The following CLASP1 variants were observed in gnomAD, a reference collection of about 807,000 sequenced individuals.
CLASP1 encodes the protein cytoplasmic linker associated protein 1.
CLASP1 carries 38 observed loss-of-function variants against 192.3 expected under a neutral mutation model. The observed-to-expected ratio is 0.20, with a 90% CI of 0.15 to 0.26. The LOEUF (loss-of-function observed/expected upper bound fraction) is 0.26. CLASP1 is among the 10% of genes least tolerant of loss of function. The pLI is 1.00. For synonymous variants in CLASP1, 691 were observed against 712.8 expected (o/e 0.97, Z 0.49); for missense variants, 1,433 against 1,932.5 (o/e 0.74, Z 4.85).
At chr2:121,470,414 A>T in intron 8 of CLASP1, 1 of 428,684 alleles carries the variant, frequency 2.3e-6, no homozygotes, top group Non-Finnish European at 4.5e-6. Context: ...GTCACCTGGT[A>T]CACACTTTAA....
intron 2 of CLASP1, among the ~76,000 whole-genome samples, chr2:121,562,691 C>A (rs2059192441): frequency 6.6e-6 from 1 of 152,200 alleles, no homozygotes; most frequent in Non-Finnish European, 1.5e-5. Context: ...AGAAGCACAA[C>A]AGGCAAATTT....
At chr2:121,626,044 G>A (rs1311964223) in intron 1 of CLASP1, among the ~76,000 whole-genome samples, 1 of 151,246 alleles carries the variant, frequency 6.6e-6, no homozygotes, top group Non-Finnish European at 1.5e-5. Flanking sequence ...AGGCTGCAGT[G>A]AGCTGAGATG....
At chr2:121,574,637 A>C (rs1479309535) in intron 2 of CLASP1, among the ~76,000 whole-genome samples, 1 of 148,550 alleles carries the variant, frequency 6.7e-6, no homozygotes, top group East Asian at 2.0e-4. Flanking sequence ...TCCATATCAA[A>C]AAAAAAAAAA....
intron 8 of CLASP1, among the ~76,000 whole-genome samples, chr2:121,483,513 T>C (rs2092759454): frequency 6.6e-6 from 1 of 151,680 alleles, no homozygotes; most frequent in African/African-American, 2.4e-5. Context: ...TATATGTATG[T>C]ATATATGTGT....
intron 4 of CLASP1, among the ~76,000 whole-genome samples, chr2:121,528,176 C>G (rs1299041083): frequency 6.6e-6 from 1 of 152,192 alleles, no homozygotes; most frequent in East Asian, 1.9e-4. Flanking sequence ...GTGAGGAAAG[C>G]AAGGCCAAAG....
chr2:121,377,191 A>G (rs1290573921), intron 34 of CLASP1, among the ~76,000 whole-genome samples: 4 of 152,214 alleles, frequency 2.6e-5, no homozygotes, highest in African/African-American at 9.7e-5. Flanking sequence ...TTTATTGTGT[A>G]TTTCCAAAAC....
chr2:121,594,224 C>T (rs2062822035), intron 2 of CLASP1, among the ~76,000 whole-genome samples: 1 of 149,440 alleles, frequency 6.7e-6, no homozygotes, highest in Non-Finnish European at 1.5e-5. Flanking sequence ...GGCGTGAACC[C>T]GGGAGGCGGA....
chr2:121,431,617 A>G (rs539090869), intron 19 of CLASP1, among the ~76,000 whole-genome samples: 1 of 152,292 alleles, frequency 6.6e-6, no homozygotes, highest in South Asian at 2.1e-4. Context: ...TCACAAAAAG[A>G]TTTTTTAAAT....
At chr2:121,516,181 T>C (rs2094287186) in intron 6 of CLASP1, among the ~76,000 whole-genome samples, 2 of 152,212 alleles carry the variant, frequency 1.3e-5, no homozygotes, top group Admixed American at 6.5e-5. Flanking sequence ...CAAAAATGGG[T>C]AGTACAGGCC....
At chr2:121,406,168 C>T (rs544149640) in intron 25 of CLASP1, among the ~76,000 whole-genome samples, 1 of 151,984 alleles carries the variant, frequency 6.6e-6, no homozygotes, top group Non-Finnish European at 1.5e-5. Context: ...AATTAAAGGG[C>T]TAAAAATAAG....
chr2:121,402,710 A>G (rs1040472188), intron 26 of CLASP1: 20 of 514,170 alleles, frequency 3.9e-5, no homozygotes, highest in African/African-American at 1.4e-4. Flanking sequence ...TAAACCATCT[A>G]ATAGTGTTCA....
intron 20 of CLASP1, among the ~76,000 whole-genome samples, chr2:121,428,089 C>T (rs1214230889): frequency 6.6e-6 from 1 of 152,116 alleles, no homozygotes; most frequent in Non-Finnish European, 1.5e-5. Flanking sequence ...TGAAGTAAAA[C>T]TAAGGAATTT....
rs1416651206 is a variant in CLASP1, at chr2:121,427,278, A to G, written c.2044+126T>C. On this transcript the variant is annotated intron_variant, in intron 21 of 39. Transcript: ENST00000263710. Reference sequence around the variant, plus strand: ...CAAACTCTAGAATTTGAACACAAAGAAAAACGCAGAAAGATTAACTAAGCT... The same window carrying G: ...CAAACTCTAGAATTTGAACACAAAGGAAAACGCAGAAAGATTAACTAAGCT... 3.3e-6 allele frequency: 4 copies of G among 1,214,388 alleles called. No individual in the cohort carries two copies. In the East Asian group the frequency reaches 1.0e-4, roughly 31 times the overall value. 75.2% of individuals were successfully genotyped at this position (1,214,388 alleles called of 1,614,324 possible). A position where few individuals can be genotyped will look rare whatever the true frequency, so the allele number is the denominator to read the frequency against.
chr2:121,648,220 C>A (rs2073536772), intron 1 of CLASP1, among the ~76,000 whole-genome samples: 1 of 152,168 alleles, frequency 6.6e-6, no homozygotes. Flanking sequence ...AAAACAATTT[C>A]TAATGCCAGA....
At chr2:121,360,296 G>C (rs756833334) in intron 37 of CLASP1, among the ~76,000 whole-genome samples, 1 of 152,062 alleles carries the variant, frequency 6.6e-6, no homozygotes, top group Non-Finnish European at 1.5e-5. Flanking sequence ...GCTAACTTTG[G>C]GATAAACAAA....
Position 121,514,457 on chromosome 2 carries a change from C to T in CLASP1, c.644+1208G>A. Among the ~76,000 whole-genome samples the T allele has an allele frequency of 1.3e-5, 2 of 151,674 alleles. 1 individual carries two copies. Among genetic ancestry groups the T allele is most frequent in the South Asian group, 4.1e-4 (2 of 4,824 alleles). On this transcript the variant is annotated intron_variant, in intron 7 of 39. Coordinates refer to ENST00000263710, the Ensembl canonical transcript of CLASP1. ...AGTTCTTTTTCCTCCTGTGTTCTCA[C>T]CATATATTCAAAGACCAGAAGGCTG... is the stretch of plus-strand genomic sequence containing the variant.
chr2:121,500,417 AAAAAGAAAAGAG>A (rs1176756690), intron 8 of CLASP1, among the ~76,000 whole-genome samples: 1 of 150,906 alleles, frequency 6.6e-6, no homozygotes, highest in Non-Finnish European at 1.5e-5. Context: ...AAGAAAGAAA[AAAAAGAAAAGAG>A]AAAAGAAAAG....
chr2:121,592,550 A>G (rs551486381), intron 2 of CLASP1, among the ~76,000 whole-genome samples: 78 of 152,386 alleles, frequency 5.1e-4, no homozygotes, highest in Non-Finnish European at 7.6e-4. Flanking sequence ...AACATAGGAT[A>G]TACATTTCAA....
chr2:121,621,992 C>T (rs541970422), intron 1 of CLASP1, among the ~76,000 whole-genome samples: 69 of 152,130 alleles, frequency 4.5e-4, no homozygotes, highest in Non-Finnish European at 7.9e-4. Flanking sequence ...GGATTACAGG[C>T]GTGCACCACC....
Sources: allele counts gnomAD v4.1 joint callset (sites outside exome capture counted in the v4.1 genomes callset), GRCh38; gene constraint gnomAD v4.1.1; transcripts MANE v1.5; gene names NCBI Gene and HGNC (gene_info 2026-07-23, HGNC 2026-07-21).